Variants in SAMTOR observed in about 807,000 individuals in gnomAD.
SAMTOR encodes S-adenosylmethionine sensor upstream of mTORC1, also known as UPF0532 protein C7orf60.
At chr7:112,828,117 C>T in the SAMTOR span, among the ~76,000 whole-genome samples, 2 of 152,162 alleles carry the variant, frequency 1.3e-5, no homozygotes, top group African/African-American at 2.4e-5. Context: ...ACCCTTTATG[C>T]TACTGTCATA....
At chr7:112,893,176 C>A in the SAMTOR span, among the ~76,000 whole-genome samples, 4 of 152,310 alleles carry the variant, frequency 2.6e-5, no homozygotes, top group African/African-American at 9.6e-5. Flanking sequence ...GCTGCCTGTC[C>A]TCTGAAGCTC....
the SAMTOR span, among the ~76,000 whole-genome samples, chr7:112,888,995 G>A: frequency 6.6e-6 from 1 of 152,094 alleles, no homozygotes; most frequent in Non-Finnish European, 1.5e-5. Flanking sequence ...GAAATATTAT[G>A]CAAAACAGCA....
the SAMTOR span, among the ~76,000 whole-genome samples, chr7:112,845,170 C>T: frequency 6.6e-6 from 1 of 152,108 alleles, no homozygotes; most frequent in Non-Finnish European, 1.5e-5. Context: ...CCATTCTGGA[C>T]ATAGGAATAT....
the SAMTOR span, among the ~76,000 whole-genome samples, chr7:112,930,332 A>G: frequency 1.3e-5 from 2 of 152,174 alleles, no homozygotes; most frequent in South Asian, 4.1e-4. Flanking sequence ...TGGGATAAAA[A>G]ACATCCAAGG....
At chr7:112,843,095 T>C in the SAMTOR span, among the ~76,000 whole-genome samples, 3 of 151,980 alleles carry the variant, frequency 2.0e-5, no homozygotes, top group African/African-American at 7.2e-5. Flanking sequence ...ATGAATAAAT[T>C]TGAGTCTTGA....
chr7:112,822,101 A>C, the SAMTOR span: 1 of 1,613,882 alleles, frequency 6.2e-7, no homozygotes, highest in Non-Finnish European at 8.5e-7. Context: ...TCATCATCAT[A>C]GCATGACGGT....
the SAMTOR span, among the ~76,000 whole-genome samples, chr7:112,823,550 G>A: frequency 6.6e-6 from 1 of 152,106 alleles, no homozygotes. Context: ...ATGTACCACA[G>A]TTGGTTTATC....
chr7:112,870,275 G>GA, the SAMTOR span, among the ~76,000 whole-genome samples: 1 of 151,896 alleles, frequency 6.6e-6, no homozygotes, highest in Non-Finnish European at 1.5e-5. Context: ...CAAAGCAAAA[G>GA]AAAAAATCTC....
the SAMTOR span, among the ~76,000 whole-genome samples, chr7:112,908,091 G>T: frequency 6.6e-6 from 1 of 152,094 alleles, no homozygotes; most frequent in Admixed American, 6.5e-5. Flanking sequence ...ATGAAAATGA[G>T]GAATATATCT....
chr7:112,901,767 T>C, the SAMTOR span, among the ~76,000 whole-genome samples: 1 of 152,250 alleles, frequency 6.6e-6, no homozygotes, highest in African/African-American at 2.4e-5. Flanking sequence ...AACAGACATC[T>C]CATCAAAGAA....
chr7:112,893,236 C>T, the SAMTOR span, among the ~76,000 whole-genome samples: 3,128 of 152,302 alleles, frequency 0.021, 50 homozygotes, highest in South Asian at 0.041. Flanking sequence ...TCCTAAAAGG[C>T]GCCTTCTTCT....
chr7:112,840,575 G>T, the SAMTOR span, among the ~76,000 whole-genome samples: 1 of 150,932 alleles, frequency 6.6e-6, no homozygotes, highest in Non-Finnish European at 1.5e-5. Flanking sequence ...ACATTTTCTT[G>T]TCTGTGTGAG....
the SAMTOR span, among the ~76,000 whole-genome samples, chr7:112,858,206 GA>G: frequency 6.6e-6 from 1 of 151,920 alleles, no homozygotes; most frequent in African/African-American, 2.4e-5. Context: ...AAATCAAAAT[GA>G]AAATATTTAG....
chr7:112,852,759 A>T, the SAMTOR span, among the ~76,000 whole-genome samples: 1 of 152,056 alleles, frequency 6.6e-6, no homozygotes, highest in Non-Finnish European at 1.5e-5. Flanking sequence ...TGAAAATCTA[A>T]TTTGTCATGT....
At chr7:112,905,012 G>A in the SAMTOR span, among the ~76,000 whole-genome samples, 2 of 152,218 alleles carry the variant, frequency 1.3e-5, no homozygotes, top group Non-Finnish European at 1.5e-5. Context: ...CAAGCCAACC[G>A]CTATCTAACT....
At chr7:112,883,278 A>C in the SAMTOR span, among the ~76,000 whole-genome samples, 1 of 152,098 alleles carries the variant, frequency 6.6e-6, no homozygotes, top group Non-Finnish European at 1.5e-5. Context: ...GCTATTCTAA[A>C]TATGTCCTTC....
chr7:112,891,436 GCTTAAGAGTATCTTA>G, the SAMTOR span, among the ~76,000 whole-genome samples: 2 of 152,184 alleles, frequency 1.3e-5, no homozygotes, highest in Non-Finnish European at 2.9e-5. Flanking sequence ...TTTTGGAACT[GCTTAAGAGTATCTTA>G]CTTTCATAAT....
At chr7:112,863,222 G>C in the SAMTOR span, among the ~76,000 whole-genome samples, 390 of 152,224 alleles carry the variant, frequency 2.6e-3, 3 homozygotes, top group African/African-American at 8.9e-3. Context: ...CAGGATAACT[G>C]GTTAGTTATA....
At chr7:112,846,293 A>G in the SAMTOR span, among the ~76,000 whole-genome samples, 2 of 151,952 alleles carry the variant, frequency 1.3e-5, no homozygotes, top group Non-Finnish European at 1.5e-5. Flanking sequence ...CAAATAGTGC[A>G]TGTTCTCACT....
Sources: gnomAD v4.1 joint callset for allele counts (sites outside exome capture counted in the v4.1 genomes callset) on GRCh38, gnomAD v4.1.1 for gene constraint, MANE v1.5 for transcripts, NCBI Gene and HGNC (gene_info 2026-07-23, HGNC 2026-07-21) for gene names.